The following WDR19 variants were observed in gnomAD, a reference collection of about 807,000 sequenced individuals.
The protein encoded by WDR19 is WD repeat domain 19, also known as WD repeat-containing protein 19.
Under a neutral mutation model 180.0 loss-of-function variants are expected in WDR19, and 121 were observed. That is an observed-to-expected ratio of 0.67 (90% CI 0.58 to 0.78). The LOEUF (loss-of-function observed/expected upper bound fraction) is 0.78. WDR19 is among the 30% of genes least tolerant of loss of function. The pLI is 0.00. For missense variants in WDR19, 1,450 were observed against 1,640.7 expected (o/e 0.88, Z 2.01); for synonymous variants, 497 against 540.7 (o/e 0.92, Z 1.12).
At position 39,280,141 on chromosome 4, in the gene WDR19, T is replaced by TTTTTTTTTTTTTTTTTTTTTTTTTTA. The variant is rs368949539; in HGVS notation, c.*13+1478_*13+1479insTTTTTTTTTTTTTTTTTTTTTTTTTA. Among the ~76,000 whole-genome samples, 7 of 88,352 alleles carry TTTTTTTTTTTTTTTTTTTTTTTTTTA rather than the reference T, an allele frequency of 7.9e-5. 1 individual carries two copies. The highest frequency in any genetic ancestry group is 3.3e-4 in the Admixed American group (2 of 6,006). The allele number at this position is 88,352 out of a possible 152,430, so 58.0% of individuals were successfully genotyped here. A position where few individuals can be genotyped will look rare whatever the true frequency, so the allele number is the denominator to read the frequency against. ...CTTGTTTTTTTTTTTTTTTTTTTTT[T>TTTTTTTTTTTTTTTTTTTTTTTTTTA]AATAGAGGCAGGGTCTCGCCACATT... is the stretch of plus-strand genomic sequence containing the variant. On this transcript the variant is annotated intron_variant, in intron 36 of 36. Transcript: ENST00000399820.
chr4:39,228,603 T>G lies in WDR19; in HGVS notation c.1895T>G (p.Leu632Arg), dbSNP rs774951735. 8 of 1,613,670 alleles carry G rather than the reference T, an allele frequency of 5.0e-6. No individual in the cohort carries two copies. The highest frequency in any genetic ancestry group is 1.1e-5 in the South Asian group (1 of 91,054). ...TQSGKVNNIY[L>R]STHGFLSNLK... Reference sequence around the variant, plus strand: ...AGTGGAAAAGTAAACAACATCTACCTTAGCACCCATGGCTTTCTCAGCAAC... The same window carrying G: ...AGTGGAAAAGTAAACAACATCTACCGTAGCACCCATGGCTTTCTCAGCAAC... The change falls in exon 17 of 37, where the codon CTT becomes CGT. Residue 632 changes from leucine to arginine, a missense_variant. Physicochemically the swap from Leu to Arg is moderately radical, Grantham distance 102. Transcript: ENST00000399820.
Position 39,254,095 on chromosome 4 carries a change from G to A in WDR19, c.3001+65G>A. 2.6e-6 allele frequency: 4 copies of A among 1,524,374 alleles called. 1 individual carries two copies. Among genetic ancestry groups the A allele is most frequent in the Middle Eastern group, 3.5e-4 (2 of 5,724 alleles). 94.4% of individuals were successfully genotyped at this position (1,524,374 alleles called of 1,614,324 possible). Reference sequence around the variant, plus strand: ...ATCATAAAAACACTTTGTCTCTTATGATCTAATTATCAGATTGGTATACAT... The same window carrying A: ...ATCATAAAAACACTTTGTCTCTTATAATCTAATTATCAGATTGGTATACAT... On this transcript the variant is annotated intron_variant, in intron 26 of 36. Transcript: ENST00000399820.
chr4:39,278,335 C>T (rs1000298874), intron 35 of WDR19, 128 bp downstream of exon 35: 3 of 983,208 alleles, frequency 3.1e-6, no homozygotes, highest in African/African-American at 1.7e-5. Flanking sequence ...AAATTGTCTT[C>T]TGGGAAGAAC....
chr4:39,245,587 C>T (rs1732438943), intron 24 of WDR19, 135 bp downstream of exon 24: 12 of 832,568 alleles, frequency 1.4e-5, no homozygotes, highest in Non-Finnish European at 2.3e-5. Flanking sequence ...CCTTGTTGGC[C>T]TGAAGTGCCA....
intron 9 of WDR19, among the ~76,000 whole-genome samples, chr4:39,206,461 A>G (rs1003483347): frequency 6.6e-6 from 1 of 152,074 alleles, no homozygotes; most frequent in Non-Finnish European, 1.5e-5. Context: ...ACTATTGCCT[A>G]TTTTTCTCTC....
intron 29 of WDR19, among the ~76,000 whole-genome samples, chr4:39,266,453 T>C (rs543927823): frequency 6.6e-6 from 1 of 152,368 alleles, no homozygotes; most frequent in South Asian, 2.1e-4. Flanking sequence ...CATTCAATGC[T>C]GTCCAGGGCC....
At chr4:39,186,691 T>A in intron 3 of WDR19, 87 bp downstream of exon 3, 1 of 891,996 alleles carries the variant, frequency 1.1e-6, no homozygotes, top group Non-Finnish European at 1.6e-6. Context: ...TATAATCAGA[T>A]GGAATCTTTT....
Position 39,244,471 on chromosome 4 carries a change from A to G in WDR19, c.2564A>G (p.Gln855Arg). The G allele has an allele frequency of 1.2e-6, 2 of 1,613,974 alleles. No individual in the cohort carries two copies. The highest frequency in any genetic ancestry group is 1.7e-6 in the Non-Finnish European group (2 of 1,179,892). The stretch of plus-strand genomic sequence containing the variant: ...TTTAATAATCCTGTCTTATTTTAGC[A>G]ATTTTCAGAAGCGGCCCAACTGTAT... ...DCGAILENMK[Q>R]FSEAAQLYEK... The change falls in exon 23 of 37, where the codon CAA (glutamine) becomes CGA (arginine). Residue 855 changes from glutamine (Q) to arginine (R), a missense_variant and splice_region_variant. Physicochemically the swap from Gln to Arg is conservative, Grantham distance 43. Transcript: ENST00000399820.
chr4:39,244,140 G>T, intron 21 of WDR19, 108 bp from the exon 22 acceptor site: 1 of 1,284,918 alleles, frequency 7.8e-7, no homozygotes, highest in Non-Finnish European at 1.0e-6. Flanking sequence ...AAAGATAAAA[G>T]TAAACCATAA....
At chr4:39,219,686 T>C (rs1729448918) in intron 14 of WDR19, among the ~76,000 whole-genome samples, 1 of 152,228 alleles carries the variant, frequency 6.6e-6, no homozygotes, top group Non-Finnish European at 1.5e-5. Flanking sequence ...GTGCATTTAG[T>C]AGGCATTCAG....
intron 26 of WDR19, 31 bp from the exon 27 acceptor site, chr4:39,255,817 A>G: frequency 7.4e-7 from 1 of 1,357,694 alleles, no homozygotes; most frequent in Non-Finnish European, 9.9e-7. Flanking sequence ...AATTTTGCTC[A>G]GATATTTTAC....
chr4:39,225,101 C>T (rs1346241796), intron 15 of WDR19, 68 bp downstream of exon 15: 2 of 1,291,000 alleles, frequency 1.5e-6, no homozygotes, highest in Admixed American at 7.3e-5. Context: ...GTGTTTAAAG[C>T]CTATCTCATG....
chr4:39,188,789 T>C (rs4974989), intron 3 of WDR19, among the ~76,000 whole-genome samples: 128,416 of 152,012 alleles, frequency 0.84, 54,513 homozygotes, highest in Admixed American at 0.89. Flanking sequence ...CTCTCTGTGT[T>C]TCCCAAGCTG....
At chr4:39,217,875 T>C (rs1729232214) in intron 13 of WDR19, 108 bp from the exon 14 acceptor site, 1 of 1,408,162 alleles carries the variant, frequency 7.1e-7, no homozygotes, top group Non-Finnish European at 9.7e-7. Context: ...TCTCGTAGTC[T>C]TGGGAGCCTG....
intron 6 of WDR19, among the ~76,000 whole-genome samples, chr4:39,202,752 C>A (rs1231580981): frequency 6.6e-6 from 1 of 151,426 alleles, no homozygotes. Flanking sequence ...TCTTTTACAG[C>A]TTTAGTCATT....
chr4:39,274,916 A>C lies in WDR19; in HGVS notation c.3674A>C (p.Lys1225Thr). ...TTGATGAGGCCTGAATACCGCAGCA[A>C]AATAGATGCCAAATACAAAAAGAAG... The part of the protein sequence containing the change: ...AMLMRPEYRS[K>T]IDAKYKKKIE... Residue 1225 changes from lysine to threonine, a missense_variant, in exon 33 of 37, where the codon AAA (lysine) becomes ACA (threonine). By Grantham distance (78) the Lys-to-Thr change is moderately conservative. Transcript: ENST00000399820. The C allele has an allele frequency of 6.2e-7, 1 of 1,614,076 alleles. No individual in the cohort carries two copies. The highest frequency in any genetic ancestry group is 8.5e-7 in the Non-Finnish European group (1 of 1,179,904).
At chr4:39,183,476 C>T (rs1345369209) in intron 1 of WDR19, among the ~76,000 whole-genome samples, 1 of 152,050 alleles carries the variant, frequency 6.6e-6, no homozygotes, top group Non-Finnish European at 1.5e-5. Context: ...CTGTCACTCT[C>T]CTGACCTCAT....
chr4:39,221,246 A>G (rs1729676912), intron 14 of WDR19, among the ~76,000 whole-genome samples: 1 of 152,202 alleles, frequency 6.6e-6, no homozygotes, highest in South Asian at 2.1e-4. Flanking sequence ...ATTTTATCTC[A>G]TTATCTATAA....
At chr4:39,233,366 C>T (rs909038556) in intron 19 of WDR19, among the ~76,000 whole-genome samples, 24 of 152,290 alleles carry the variant, frequency 1.6e-4, no homozygotes, top group Admixed American at 1.2e-3. Flanking sequence ...AATTCCAGCT[C>T]TGTGTAAGCT....
Sources: allele counts gnomAD v4.1 joint callset (sites outside exome capture counted in the v4.1 genomes callset), GRCh38; gene constraint gnomAD v4.1.1; transcripts MANE v1.5; gene names NCBI Gene and HGNC (gene_info 2026-07-23, HGNC 2026-07-21).